Variants in OIT3 observed in about 807,000 individuals in gnomAD.
OIT3 encodes the protein oncoprotein-induced transcript 3 protein.
In OIT3, 41 loss-of-function variants were observed where a neutral mutation model predicts 52.2. The ratio of observed to expected loss-of-function variants is 0.79; its 90% CI spans 0.61 to 1.02. OIT3 has a LOEUF of 1.02. Ranked by LOEUF, OIT3 falls within the 50% of genes least tolerant of loss-of-function variation. The probability of loss-of-function intolerance (pLI) is 0.00; values close to 1 mark genes in which losing one functional copy is unlikely to be tolerated. For synonymous variants in OIT3, 244 were observed against 276.9 expected (o/e 0.88, Z 1.18); for missense variants, 634 against 715.5 (o/e 0.89, Z 1.30).
chr10:72,924,453 G>C lies in OIT3; in HGVS notation c.1176G>C (p.Glu392Asp). ...RNHGIFPFTL[E>D]IFKDNEFEEP... ...ATGGGATCTTCCCATTCACTCTGGA[G>C]ATCTTCAAGGACAATGAGTTTGAAG... The change falls in exon 7 of 9, where the codon GAG becomes GAC. Residue 392 changes from glutamate to aspartate, a missense_variant. Glu to Asp is a conservative substitution (Grantham distance 45, BLOSUM62 2). Coordinates refer to ENST00000334011, the MANE Select transcript of OIT3 (RefSeq NM_152635.3). The C allele has an allele frequency of 6.2e-7, 1 of 1,614,148 alleles. No individual in the cohort carries two copies. The highest frequency in any genetic ancestry group is 8.5e-7 in the Non-Finnish European group (1 of 1,180,008).
chr10:72,924,193 C>G (rs777233128), intron 6 of OIT3, 36 bp from the exon 7 acceptor site: 1 of 1,525,852 alleles, frequency 6.6e-7, no homozygotes, highest in African/African-American at 1.4e-5. Flanking sequence ...AACAAACAGA[C>G]AATCTCTTTC....
chr10:72,922,234 G>A (rs1175567004), intron 6 of OIT3, among the ~76,000 whole-genome samples: 2 of 152,118 alleles, frequency 1.3e-5, no homozygotes, highest in African/African-American at 4.8e-5. Flanking sequence ...GGCCTGTCTA[G>A]CAGGGTTGGG....
chr10:72,927,856 G>T (rs966429916), intron 7 of OIT3, among the ~76,000 whole-genome samples: 1 of 152,048 alleles, frequency 6.6e-6, no homozygotes, highest in Non-Finnish European at 1.5e-5. Flanking sequence ...TTCATGGAGG[G>T]TTTACTTCCT....
intron 6 of OIT3, among the ~76,000 whole-genome samples, chr10:72,914,058 C>A (rs1846053185): frequency 6.6e-6 from 1 of 152,112 alleles, no homozygotes; most frequent in Non-Finnish European, 1.5e-5. Flanking sequence ...CAGGAGCAGT[C>A]AAGACAAGTG....
intron 2 of OIT3, 71 bp from the exon 3 acceptor site, chr10:72,900,306 A>G: frequency 1.8e-6 from 1 of 548,154 alleles, no homozygotes; most frequent in Non-Finnish European, 3.1e-6. Context: ...CCCCCGCACC[A>G]TCTCTAAAAA....
At chr10:72,894,681 C>T (rs1428280214) in intron 1 of OIT3, among the ~76,000 whole-genome samples, 3 of 152,096 alleles carry the variant, frequency 2.0e-5, no homozygotes, top group Admixed American at 6.5e-5. Context: ...AGTTCAAGAC[C>T]AGCCTGGCCA....
intron 1 of OIT3, among the ~76,000 whole-genome samples, chr10:72,898,154 G>C (rs983084036): frequency 3.3e-5 from 5 of 151,674 alleles, no homozygotes; most frequent in African/African-American, 9.7e-5. Flanking sequence ...AGGTGTGGTG[G>C]CATACGCTTG....
intron 3 of OIT3, among the ~76,000 whole-genome samples, chr10:72,901,021 T>A (rs1845930479): frequency 6.6e-6 from 1 of 152,142 alleles, no homozygotes; most frequent in Non-Finnish European, 1.5e-5. Context: ...TGAGCCATGG[T>A]TACACCACTG....
intron 7 of OIT3, among the ~76,000 whole-genome samples, chr10:72,926,027 T>A (rs16913481): frequency 1.8e-4 from 27 of 152,342 alleles, no homozygotes; most frequent in East Asian, 1.3e-3. Flanking sequence ...TTGCCTACAT[T>A]CCCAGGAAAA....
At chr10:72,902,835 C>A (rs57176252) in intron 3 of OIT3, among the ~76,000 whole-genome samples, 7,027 of 152,300 alleles carry the variant, frequency 0.046, 296 homozygotes, top group East Asian at 0.22. Context: ...ACCCTTTACA[C>A]ATGGGGACTA....
Position 72,894,095 on chromosome 10 carries a change from C to A in OIT3, c.61+236C>A, listed in dbSNP as rs1589518220. On this transcript the variant is annotated intron_variant, in intron 1 of 8. Transcript: ENST00000334011. ...TGGATCTGCCATATCCCACAGCTTT[C>A]ACTAGCTAAAGAGTTCCTGGAGTAT... 2.0e-5 allele frequency among the ~76,000 whole-genome samples: 3 copies of A among 152,052 alleles called. No homozygotes were observed. In the South Asian group the frequency reaches 6.2e-4, roughly 32 times the overall value.
intron 6 of OIT3, among the ~76,000 whole-genome samples, chr10:72,920,084 T>C (rs1463787845): frequency 6.6e-6 from 1 of 152,190 alleles, no homozygotes; most frequent in East Asian, 1.9e-4. Context: ...TCCTGGGCTT[T>C]TTTTTGGTTG....
intron 6 of OIT3, among the ~76,000 whole-genome samples, chr10:72,922,226 C>T (rs1454059931): frequency 6.6e-6 from 1 of 152,100 alleles, no homozygotes; most frequent in Non-Finnish European, 1.5e-5. Flanking sequence ...TGAATGTTGG[C>T]CTGTCTAGCA....
intron 7 of OIT3, 104 bp downstream of exon 7, chr10:72,924,748 G>T (rs1264975433): frequency 6.4e-6 from 6 of 938,800 alleles, no homozygotes; most frequent in Non-Finnish European, 9.5e-6. Context: ...ACCACTGTCA[G>T]CAATTTATTA....
At chr10:72,899,595 CAAAAAAA>C (rs57434990) in intron 2 of OIT3, among the ~76,000 whole-genome samples, 13 of 88,978 alleles carry the variant, frequency 1.5e-4, no homozygotes, top group South Asian at 3.7e-4. Context: ...GACTCTGATT[CAAAAAAA>C]AAAAAAAAAG....
rs773708326 is a variant in OIT3 at position 72,924,314 on chromosome 10, G to A, written c.1037G>A (p.Arg346Gln). ...GGGAGCAGCGGGGACTTCATCATCC[G>A]AACCAGCAAGCTGCTGATCCCGGTG... ...TPGSSGDFII[R>Q]TSKLLIPVTC... The change falls in exon 7 of 9, where the codon CGA (arginine) becomes CAA (glutamine). Residue 346 changes from arginine to glutamine, a missense_variant. Coordinates refer to ENST00000334011, the MANE Select transcript of OIT3 (RefSeq NM_152635.3). 1.9e-5 allele frequency: 31 copies of A among 1,613,994 alleles called. No individual in the cohort carries two copies. Among genetic ancestry groups the A allele is most frequent in the Middle Eastern group, 1.6e-4 (1 of 6,084 alleles).
intron 4 of OIT3, among the ~76,000 whole-genome samples, chr10:72,909,402 G>C (rs550808515): frequency 6.6e-6 from 1 of 151,948 alleles, no homozygotes; most frequent in South Asian, 2.1e-4. Flanking sequence ...TTACAGGTGT[G>C]AGCCACTGTG....
chr10:72,930,433 C>T, intron 7 of OIT3, 105 bp from the exon 8 acceptor site: 1 of 826,860 alleles, frequency 1.2e-6, no homozygotes, highest in Non-Finnish European at 2.1e-6. Context: ...ACAGTCCAGC[C>T]TCCTCCACCC....
At chr10:72,908,780 T>C (rs993419782) in intron 4 of OIT3, among the ~76,000 whole-genome samples, 1 of 152,102 alleles carries the variant, frequency 6.6e-6, no homozygotes, top group Non-Finnish European at 1.5e-5. Context: ...TGAAAAAATA[T>C]TTTAGCAGAA....
Sources: allele counts gnomAD v4.1 joint callset (sites outside exome capture counted in the v4.1 genomes callset), GRCh38; gene constraint gnomAD v4.1.1; transcripts MANE v1.5; gene names NCBI Gene and HGNC (gene_info 2026-07-23, HGNC 2026-07-21).